C3orf52: variants seen among roughly 807,000 people sequenced by gnomAD.
The protein encoded by C3orf52 is chromosome 3 open reading frame 52, also known as TPA-induced transmembrane protein.
Under a neutral mutation model 24.8 loss-of-function variants are expected in C3orf52, and 22 were observed. The observed-to-expected ratio is 0.89, with a 90% CI of 0.63 to 1.27. The LOEUF (loss-of-function observed/expected upper bound fraction) is 1.27. Ranked by LOEUF, C3orf52 falls within the 50% of genes most tolerant of loss-of-function variation. The pLI is 0.00. For synonymous variants in C3orf52, 93 were observed against 100.2 expected, an observed-to-expected ratio of 0.93 and a Z score of 0.43; for missense variants, 265 against 260.7, an observed-to-expected ratio of 1.02 and a Z score of -0.11.
chr3:112,132,932 A>T (rs2074492135), downstream of C3orf52: 1 of 673,738 alleles, frequency 1.5e-6, no homozygotes, highest in African/African-American at 1.8e-5. Flanking sequence ...TTAATGTGGT[A>T]TCTGGCACAG....
intron 5 of C3orf52, among the ~76,000 whole-genome samples, chr3:112,114,458 C>G (rs1340184946): frequency 6.7e-6 from 1 of 150,110 alleles, no homozygotes; most frequent in African/African-American, 2.5e-5. Context: ...AATCCCAGCA[C>G]TTTGGGAGGC....
At chr3:112,133,038 G>C, downstream of C3orf52, 1 of 1,556,166 alleles carries the variant, frequency 6.4e-7, no homozygotes, top group Admixed American at 1.7e-5. Context: ...TCTCTTCCTT[G>C]CTGTATTGTC....
chr3:112,110,959 C>A lies in C3orf52; in HGVS notation c.467+1346C>A, dbSNP rs143977138. Among the ~76,000 whole-genome samples the A allele has an allele frequency of 5.8e-3, 890 of 152,264 alleles. 21 individuals are homozygous for A. The highest frequency in any genetic ancestry group is 0.051 in the East Asian group (262 of 5,180). ...GGCATGGTGGCTTACACCTGTAATC[C>A]CAGTACTTTGGGAGGCTGAGGTAGG... On this transcript the variant is annotated intron_variant, in intron 4 of 5. Coordinates refer to ENST00000264848, the MANE Select transcript of C3orf52 (RefSeq NM_024616.3).
At chr3:112,094,861 C>G (rs1173754301) in intron 2 of C3orf52, among the ~76,000 whole-genome samples, 1 of 152,160 alleles carries the variant, frequency 6.6e-6, no homozygotes, top group African/African-American at 2.4e-5. Flanking sequence ...CATGATCCAG[C>G]CTTCATGCGG....
intron 3 of C3orf52, among the ~76,000 whole-genome samples, chr3:112,106,016 G>T (rs921233114): frequency 6.6e-6 from 1 of 152,044 alleles, no homozygotes; most frequent in African/African-American, 2.4e-5. Flanking sequence ...GATATCAAAA[G>T]CCAGATAAAA....
chr3:112,103,738 G>A (rs2074000041), intron 3 of C3orf52, among the ~76,000 whole-genome samples: 1 of 152,186 alleles, frequency 6.6e-6, no homozygotes, highest in Non-Finnish European at 1.5e-5. Flanking sequence ...TGCTCAGGAT[G>A]AGTTTTGAAA....
At chr3:112,101,513 A>G (rs340153) in intron 2 of C3orf52, among the ~76,000 whole-genome samples, 14,355 of 152,212 alleles carry the variant, frequency 0.094, 1,254 homozygotes, top group African/African-American at 0.23. Flanking sequence ...TTGTACAAAC[A>G]GTTGAGGCAC....
downstream of C3orf52, chr3:112,121,552 C>T (rs374901873): frequency 1.3e-5 from 2 of 151,584 alleles, no homozygotes; most frequent in East Asian, 3.9e-4. Context: ...GATGATCTGT[C>T]GCTGGGTCTA....
chr3:112,123,586 T>TA, intron 4 of C3orf52: 1 of 1,614,082 alleles, frequency 6.2e-7, no homozygotes, highest in Non-Finnish European at 8.5e-7. Flanking sequence ...CTGGGGTCTG[T>TA]AGAAGGCATA....
At position 112,107,196 on chromosome 3, in the gene C3orf52, C is replaced by A. The variant is rs117569804; in HGVS notation, c.397-2347C>A. 1.8e-3 allele frequency among the ~76,000 whole-genome samples: 277 copies of A among 151,324 alleles called. 4 individuals carry two copies. In the East Asian group the frequency reaches 0.04, roughly 22 times the overall value. On this transcript the variant is annotated intron_variant, in intron 3 of 5. Transcript: ENST00000264848. ...TTATGTGCAAAACACTGTGCTGGGC[C>A]CTAAAGATTAATAAAGGAAAGAAGG... is the stretch of plus-strand genomic sequence containing the variant.
Position 112,116,623 on chromosome 3 carries a change from A to G in C3orf52, c.650-19A>G, listed in dbSNP as rs2074135434. On this transcript the variant is annotated intron_variant, in intron 5 of 5. Transcript: ENST00000264848. ...TTTTAAAAATCAGTAACTTTTGTTCATCTGTGTTTTCTTTTTAGAATGAAG... is the reference window on the plus strand; with the variant it reads ...TTTTAAAAATCAGTAACTTTTGTTCGTCTGTGTTTTCTTTTTAGAATGAAG... The G allele has an allele frequency of 6.5e-6, 10 of 1,539,894 alleles. No homozygotes were observed. Among genetic ancestry groups the G allele is most frequent in the Non-Finnish European group, 7.9e-6 (9 of 1,140,434 alleles).
chr3:112,095,770 G>A (rs528432522), intron 2 of C3orf52, among the ~76,000 whole-genome samples: 6 of 149,236 alleles, frequency 4.0e-5, no homozygotes, highest in Non-Finnish European at 5.9e-5. Context: ...TGTGGGGAGA[G>A]TCATGTTAGA....
chr3:112,098,822 T>G (rs1402061628), intron 2 of C3orf52, among the ~76,000 whole-genome samples: 1 of 152,090 alleles, frequency 6.6e-6, no homozygotes, highest in East Asian at 1.9e-4. Flanking sequence ...CTGGGCCTCT[T>G]TTATAAGGGC....
chr3:112,106,466 C>A (rs1409036311), intron 3 of C3orf52, among the ~76,000 whole-genome samples: 2 of 152,064 alleles, frequency 1.3e-5, no homozygotes, highest in Non-Finnish European at 2.9e-5. Flanking sequence ...CAGCAGCCCG[C>A]CAAGAGTTGC....
chr3:112,109,551 T>A lies in C3orf52; in HGVS notation c.405T>A (p.Asp135Glu), dbSNP rs2074057663. 1.3e-6 allele frequency: 2 copies of A among 1,595,624 alleles called. No homozygotes were observed. Among genetic ancestry groups the A allele is most frequent in the African/African-American group, 1.3e-5 (1 of 74,610 alleles). The change falls in exon 4 of 6, where the codon GAT becomes GAA. Residue 135 changes from aspartate to glutamate, a missense_variant. Transcript: ENST00000264848. ...TGCTTCTGTTTGTTTAGCTCACAGATGTGTACAGTACATCGCCCTCTCTGG... is the reference window on the plus strand; with the variant it reads ...TGCTTCTGTTTGTTTAGCTCACAGAAGTGTACAGTACATCGCCCTCTCTGG... ...LPHLLTERLT[D>E]VYSTSPSLGR...
At chr3:112,111,857 G>T (rs1275323565) in intron 4 of C3orf52, 1 of 152,234 alleles carries the variant, frequency 6.6e-6, no homozygotes, top group African/African-American at 2.4e-5. Flanking sequence ...AGTTTCTTCA[G>T]AGTCCTGACT....
At position 112,102,888 on chromosome 3, in the gene C3orf52, A is replaced by G. The variant is rs1346705579; in HGVS notation, c.319A>G (p.Lys107Glu). 4 of 1,600,914 alleles carry G rather than the reference A, an allele frequency of 2.5e-6. No homozygotes were observed. The highest frequency in any genetic ancestry group is 1.3e-5 in the African/African-American group (1 of 74,912). ...ENEILELSSN[K>E]TFFIMLKIPE... The stretch of plus-strand genomic sequence containing the variant: ...TGAAATACTTGAATTATCATCAAAC[A>G]AAACATTCTTCATCATGCTGAAGAT... The change falls in exon 3 of 6, where the codon AAA becomes GAA. Residue 107 changes from lysine (K) to glutamate (E), a missense_variant. By Grantham distance (56) the Lys-to-Glu change is moderately conservative. Coordinates refer to ENST00000264848, the MANE Select transcript of C3orf52 (RefSeq NM_024616.3).
intron 3 of C3orf52, among the ~76,000 whole-genome samples, chr3:112,104,767 T>G (rs963554312): frequency 2.0e-5 from 3 of 152,146 alleles, no homozygotes; most frequent in Admixed American, 2.0e-4. Flanking sequence ...GTGCCCAATT[T>G]GTAGTCTTTT....
At chr3:112,111,975 T>C (rs1249110906) in intron 4 of C3orf52, 2 of 152,218 alleles carry the variant, frequency 1.3e-5, no homozygotes, top group African/African-American at 2.4e-5. Flanking sequence ...TCGGCCTATG[T>C]GACCTGTAGC....
Sources: allele counts gnomAD v4.1 joint callset (sites outside exome capture counted in the v4.1 genomes callset), GRCh38; gene constraint gnomAD v4.1.1; transcripts MANE v1.5; gene names NCBI Gene and HGNC (gene_info 2026-07-23, HGNC 2026-07-21).